The following AKAP19 variants were observed in gnomAD, a reference collection of about 807,000 sequenced individuals.
AKAP19 encodes the protein small A-kinase anchoring protein.
At chr2:190,165,757 T>C in the AKAP19 span, among the ~76,000 whole-genome samples, 1 of 152,208 alleles carries the variant, frequency 6.6e-6, no homozygotes, top group Non-Finnish European at 1.5e-5. Context: ...GTATTTATGT[T>C]AGATGATAGA....
At chr2:190,099,882 C>A in the AKAP19 span, among the ~76,000 whole-genome samples, 1 of 152,152 alleles carries the variant, frequency 6.6e-6, no homozygotes, top group East Asian at 1.9e-4. Context: ...GCTAAAACTT[C>A]TTTAGGTATG....
At chr2:189,951,094 CA>C in the AKAP19 span, among the ~76,000 whole-genome samples, 1 of 151,682 alleles carries the variant, frequency 6.6e-6, no homozygotes. Flanking sequence ...CCTCTTCCAC[CA>C]TTCTGTTGTG....
the AKAP19 span, among the ~76,000 whole-genome samples, chr2:190,038,917 T>TTCTTCTTCTTCTTCTTCTTCTTCTTCC: frequency 7.4e-6 from 1 of 134,506 alleles, no homozygotes; most frequent in African/African-American, 3.1e-5. Flanking sequence ...CTTCTTCTTC[T>TTCTTCTTCTTCTTCTTCTTCTTCTTCC]TCTTCTTCTT....
At chr2:189,928,599 T>C in the AKAP19 span, among the ~76,000 whole-genome samples, 1 of 152,144 alleles carries the variant, frequency 6.6e-6, no homozygotes, top group South Asian at 2.1e-4. Context: ...AACTTGATAC[T>C]CTAATTTCTT....
chr2:190,125,305 C>G, the AKAP19 span, among the ~76,000 whole-genome samples: 1 of 143,632 alleles, frequency 7.0e-6, no homozygotes, highest in Non-Finnish European at 1.6e-5. Context: ...ATACACAGTT[C>G]GTTGTTGACT....
At chr2:189,998,388 G>A in the AKAP19 span, among the ~76,000 whole-genome samples, 1 of 152,056 alleles carries the variant, frequency 6.6e-6, no homozygotes, top group Non-Finnish European at 1.5e-5. Flanking sequence ...ATCTGGGCCT[G>A]GGATTTTCTT....
the AKAP19 span, among the ~76,000 whole-genome samples, chr2:190,181,696 T>C: frequency 1.3e-5 from 2 of 152,198 alleles, no homozygotes; most frequent in African/African-American, 2.4e-5. Flanking sequence ...TAGGTTAACA[T>C]AAAATTGTAA....
At chr2:189,982,010 C>G in the AKAP19 span, among the ~76,000 whole-genome samples, 1 of 150,098 alleles carries the variant, frequency 6.7e-6, no homozygotes, top group Non-Finnish European at 1.5e-5. Flanking sequence ...TGGCATCTTG[C>G]AGGTGTGCTT....
the AKAP19 span, among the ~76,000 whole-genome samples, chr2:189,963,947 A>G: frequency 2.0e-5 from 3 of 151,996 alleles, no homozygotes; most frequent in South Asian, 2.1e-4. Flanking sequence ...TATTTTTTCT[A>G]CAGACAGGCT....
chr2:190,161,263 A>G, the AKAP19 span, among the ~76,000 whole-genome samples: 1 of 152,176 alleles, frequency 6.6e-6, no homozygotes, highest in Non-Finnish European at 1.5e-5. Context: ...GCAGTGACAT[A>G]TTAATTTGTC....
At chr2:190,187,484 T>C in the AKAP19 span, among the ~76,000 whole-genome samples, 1 of 151,608 alleles carries the variant, frequency 6.6e-6, no homozygotes, top group Non-Finnish European at 1.5e-5. Context: ...TGTGATACCT[T>C]CCACTGGCAT....
At chr2:190,125,314 C>T in the AKAP19 span, among the ~76,000 whole-genome samples, 2 of 139,278 alleles carry the variant, frequency 1.4e-5, no homozygotes, top group African/African-American at 2.7e-5. Context: ...TCGTTGTTGA[C>T]TGAAACATAG....
the AKAP19 span, among the ~76,000 whole-genome samples, chr2:189,929,660 TATAA>T: frequency 6.6e-6 from 1 of 152,090 alleles, no homozygotes; most frequent in Non-Finnish European, 1.5e-5. Context: ...ATATAGCACT[TATAA>T]CAGATTATAA....
chr2:190,138,710 C>T, the AKAP19 span, among the ~76,000 whole-genome samples: 1 of 152,186 alleles, frequency 6.6e-6, no homozygotes, highest in Non-Finnish European at 1.5e-5. Flanking sequence ...GAGCTTACTT[C>T]ATTTTCAGTT....
At chr2:189,905,843 A>AC in the AKAP19 span, among the ~76,000 whole-genome samples, 1 of 152,128 alleles carries the variant, frequency 6.6e-6, no homozygotes, top group Admixed American at 6.6e-5. Flanking sequence ...GCAAGAAGAT[A>AC]CCCCAAGGCC....
chr2:189,935,720 G>A, the AKAP19 span, among the ~76,000 whole-genome samples: 13 of 152,152 alleles, frequency 8.5e-5, no homozygotes, highest in Non-Finnish European at 1.2e-4. Flanking sequence ...TGCATGAAGA[G>A]AAAATCTTCA....
At chr2:189,970,705 G>A in the AKAP19 span, among the ~76,000 whole-genome samples, 1 of 152,200 alleles carries the variant, frequency 6.6e-6, no homozygotes, top group African/African-American at 2.4e-5. Context: ...TCCTAGGCAA[G>A]AGTATCTTTT....
the AKAP19 span, among the ~76,000 whole-genome samples, chr2:189,970,489 T>C: frequency 6.6e-6 from 1 of 152,222 alleles, no homozygotes; most frequent in African/African-American, 2.4e-5. Flanking sequence ...TCACAATGTA[T>C]GTATTCTTCC....
chr2:190,110,201 T>C, the AKAP19 span, among the ~76,000 whole-genome samples: 2 of 152,194 alleles, frequency 1.3e-5, no homozygotes, highest in Non-Finnish European at 2.9e-5. Flanking sequence ...GCTTCGTAAG[T>C]GTCACATAGT....
Sources: allele counts gnomAD v4.1 joint callset (sites outside exome capture counted in the v4.1 genomes callset), GRCh38; gene constraint gnomAD v4.1.1; transcripts MANE v1.5; gene names NCBI Gene and HGNC (gene_info 2026-07-23, HGNC 2026-07-21).